PURG: variants seen among roughly 807,000 people sequenced by gnomAD.
PURG encodes the protein purine-rich element-binding protein gamma.
PURG carries 3 observed loss-of-function variants against 24.3 expected under a neutral mutation model. The observed-to-expected ratio is 0.12, with a 90% CI of 0.06 to 0.32. The LOEUF is 0.32. Among genes scored for constraint, PURG ranks in the 10% least tolerant of loss-of-function variants. The pLI is 1.00. For synonymous variants in PURG, 180 were observed against 173.1 expected, an observed-to-expected ratio of 1.04 and a Z score of -0.31; for missense variants, 371 against 439.1, an observed-to-expected ratio of 0.84 and a Z score of 1.39.
At position 31,032,750 on chromosome 8, in the gene PURG, G is replaced by A. The variant is rs1585373542; in HGVS notation, c.33C>T (p.Gly11=). The change falls in exon 2 of 2, where the codon GGC becomes GGT. Residue 11 remains glycine, a synonymous_variant. Coordinates refer to ENST00000523392, the MANE Select transcript of PURG (RefSeq NM_001323311.2). The surrounding 1 kb of genome is among the most constrained non-coding windows in gnomAD (Gnocchi z 5.9). ...CATTCTTGCCTCCGCGGCCGCGGCC[G>A]CCGCCGCCTCCCCTTCGCCTGGCTC... MERARRRGGG[G]GRGRGGKNVG... The A allele has an allele frequency of 6.3e-6, 9 of 1,435,042 alleles. No individual in the cohort carries two copies. The highest frequency in any genetic ancestry group is 1.6e-5 in the South Asian group (1 of 62,892). 88.9% of individuals were successfully genotyped at this position (1,435,042 alleles called of 1,614,324 possible).
chr8:31,016,281 G>A (rs778740078), intron 1 of PURG, among the ~76,000 whole-genome samples: 4 of 152,004 alleles, frequency 2.6e-5, no homozygotes, highest in African/African-American at 4.8e-5. Context: ...TCAGGAGGCC[G>A]AGGCATGAGA....
intron 1 of PURG, among the ~76,000 whole-genome samples, chr8:31,003,631 G>A (rs1563303442): frequency 6.6e-6 from 1 of 152,026 alleles, no homozygotes; most frequent in Non-Finnish European, 1.5e-5. Context: ...GCATGGTGGT[G>A]CCCACTTGTA....
chr8:30,996,656 A>T, exon 2 of PURG: 1 of 1,611,998 alleles, frequency 6.2e-7, no homozygotes, highest in South Asian at 1.1e-5. Flanking sequence ...GACAACAGTG[A>T]AAAAGGTTGA....
At chr8:31,007,147 G>T (rs1810668752) in intron 1 of PURG, among the ~76,000 whole-genome samples, 1 of 152,088 alleles carries the variant, frequency 6.6e-6, no homozygotes, top group African/African-American at 2.4e-5. Context: ...TCAACAAAAA[G>T]GACAGTCATG....
At chr8:31,028,321 C>CA (rs887090855), downstream of PURG, among the ~76,000 whole-genome samples, 12 of 151,788 alleles carry the variant, frequency 7.9e-5, no homozygotes, top group Non-Finnish European at 1.6e-4. Context: ...GTTACAACAA[C>CA]AGTTCCAACA....
chr8:31,003,399 T>TC (rs1387386270), intron 1 of PURG, among the ~76,000 whole-genome samples: 4 of 151,942 alleles, frequency 2.6e-5, no homozygotes, highest in Non-Finnish European at 4.4e-5. Context: ...ATTTTTTTTT[T>TC]CCCACTGAAG....
At chr8:31,025,031 T>C (rs1324968961) in intron 1 of PURG, among the ~76,000 whole-genome samples, 1 of 152,058 alleles carries the variant, frequency 6.6e-6, no homozygotes, top group African/African-American at 2.4e-5. Flanking sequence ...ATATATTCCA[T>C]TTAAATGAGT....
downstream of PURG, among the ~76,000 whole-genome samples, chr8:31,028,132 T>A (rs1018151791): frequency 6.6e-6 from 1 of 151,802 alleles, no homozygotes; most frequent in African/African-American, 2.4e-5. Context: ...CTGTGGGGAA[T>A]CTCAACTAAA....
At chr8:31,012,971 T>G (rs1324140606) in intron 1 of PURG, among the ~76,000 whole-genome samples, 2 of 152,254 alleles carry the variant, frequency 1.3e-5, no homozygotes, top group African/African-American at 4.8e-5. Context: ...GTGACAAATT[T>G]AATAAGTAAT....
chr8:31,008,779 A>T (rs1439318580), intron 1 of PURG, among the ~76,000 whole-genome samples: 1 of 152,198 alleles, frequency 6.6e-6, no homozygotes, highest in African/African-American at 2.4e-5. Context: ...CAGTTACATA[A>T]ACTGCTCCAA....
downstream of PURG, among the ~76,000 whole-genome samples, chr8:31,026,637 AATATATAT>A (rs397791712): frequency 1.6e-5 from 2 of 128,656 alleles, no homozygotes; most frequent in African/African-American, 5.3e-5. Flanking sequence ...TTTTAAAAAG[AATATATAT>A]ATATATATAT....
Position 31,031,722 on chromosome 8 carries a change from T to TG in PURG, c.*16dup. 2 of 1,527,420 alleles carry TG rather than the reference T, an allele frequency of 1.3e-6. No homozygotes were observed. The highest frequency in any genetic ancestry group is 1.8e-6 in the Non-Finnish European group (2 of 1,136,816). The allele number at this position is 1,527,420 out of a possible 1,614,324, so 94.6% of individuals were successfully genotyped here. A position where few individuals can be genotyped will look rare whatever the true frequency, so the allele number is the denominator to read the frequency against. On this transcript the variant is annotated 3_prime_UTR_variant, in exon 2 of 2. Transcript: ENST00000523392. Reference sequence around the variant, plus strand: ...ATTTGTGATTTTAAATTTTGCCTGATGGAGTTCAATTTCACTCTAGTCGAG... The same window carrying TG: ...ATTTGTGATTTTAAATTTTGCCTGATGGGAGTTCAATTTCACTCTAGTCGAG...
chr8:31,017,794 T>C (rs1190481250), intron 1 of PURG, among the ~76,000 whole-genome samples: 1 of 152,208 alleles, frequency 6.6e-6, no homozygotes, highest in African/African-American at 2.4e-5. Context: ...CAAACGATGT[T>C]GCTTCTTTCC....
chr8:31,022,596 T>G (rs1359880274), intron 1 of PURG, among the ~76,000 whole-genome samples: 1 of 152,148 alleles, frequency 6.6e-6, no homozygotes. Context: ...CATGTGATAG[T>G]GAAAGAAATT....
rs148466291 is a variant in PURG at position 31,031,599 on chromosome 8, C to G, written c.*140G>C. 1.4e-6 allele frequency: 1 copy of G among 728,158 alleles called. No homozygotes were observed. The highest frequency in any genetic ancestry group is 2.7e-5 in the East Asian group (1 of 37,096). The allele number at this position is 728,158 out of a possible 1,614,324, so 45.1% of individuals were successfully genotyped here. A position where few individuals can be genotyped will look rare whatever the true frequency, so the allele number is the denominator to read the frequency against. On this transcript the variant is annotated 3_prime_UTR_variant, in exon 2 of 2. Coordinates refer to ENST00000523392, the MANE Select transcript of PURG (RefSeq NM_001323311.2). ...TGTGTAACATAACATGAGAATCAGA[C>G]TTCCTGAAGTATCAACTACTAGAGG...
chr8:31,026,606 T>G (rs1416615316), downstream of PURG, among the ~76,000 whole-genome samples: 1 of 146,432 alleles, frequency 6.8e-6, no homozygotes, highest in Non-Finnish European at 1.5e-5. Flanking sequence ...ATAGTATATA[T>G]AATATGTTTT....
At chr8:31,022,971 T>C (rs1176614916) in intron 1 of PURG, among the ~76,000 whole-genome samples, 1 of 152,236 alleles carries the variant, frequency 6.6e-6, no homozygotes, top group African/African-American at 2.4e-5. Flanking sequence ...GGCACGTAGG[T>C]GACTTCTTTT....
At chr8:31,021,703 G>A (rs928955008) in intron 1 of PURG, among the ~76,000 whole-genome samples, 3 of 152,156 alleles carry the variant, frequency 2.0e-5, no homozygotes, top group African/African-American at 7.2e-5. Context: ...TGGCTTTGGT[G>A]TAAATTTGGG....
intron 1 of PURG, among the ~76,000 whole-genome samples, chr8:31,001,338 A>C: frequency 6.6e-6 from 1 of 152,206 alleles, no homozygotes; most frequent in East Asian, 1.9e-4. Context: ...TCTTTCATTC[A>C]GTTGCTTTGT....
Sources: gnomAD v4.1 joint callset for allele counts (sites outside exome capture counted in the v4.1 genomes callset) on GRCh38, gnomAD v4.1.1 for gene constraint, Gnocchi (gnomAD v3.1) non-coding constraint, MANE v1.5 for transcripts, NCBI Gene and HGNC (gene_info 2026-07-23, HGNC 2026-07-21) for gene names.